ARHGEF4: variants seen among roughly 807,000 people sequenced by gnomAD.
The protein encoded by ARHGEF4 is Rho guanine nucleotide exchange factor 4.
ARHGEF4 carries 119 observed loss-of-function variants against 162.0 expected under a neutral mutation model. The ratio of observed to expected loss-of-function variants is 0.73; its 90% CI spans 0.63 to 0.86. The LOEUF (loss-of-function observed/expected upper bound fraction) is 0.86. Ranked by LOEUF, ARHGEF4 falls within the 40% of genes least tolerant of loss-of-function variation. The pLI, the probability that ARHGEF4 is intolerant of heterozygous loss-of-function variation, is 0.00. For missense variants in ARHGEF4, 2,488 were observed against 2,456.0 expected, an observed-to-expected ratio of 1.01 and a Z score of -0.28; for synonymous variants, 1,014 against 979.9, an observed-to-expected ratio of 1.03 and a Z score of -0.65.
At chr2:130,841,768 A>G (rs895654878) in intron 1 of ARHGEF4, among the ~76,000 whole-genome samples, 1 of 152,130 alleles carries the variant, frequency 6.6e-6, no homozygotes, top group Non-Finnish European at 1.5e-5. Context: ...GTTGCTCTTG[A>G]TCGGTCTCCA....
intron 4 of ARHGEF4, chr2:130,964,338 TCTC>T (rs1299714149): frequency 1.0e-5 from 8 of 783,346 alleles, no homozygotes; most frequent in South Asian, 5.8e-5. Flanking sequence ...TGCCTTTCCT[TCTC>T]CTCCCTCACT....
intron 1 of ARHGEF4, among the ~76,000 whole-genome samples, chr2:130,899,638 C>T (rs1234353701): frequency 6.6e-6 from 1 of 152,168 alleles, no homozygotes; most frequent in Non-Finnish European, 1.5e-5. Flanking sequence ...CTTTGGGAAG[C>T]TCATCTGATG....
chr2:130,922,140 C>G (rs1364063322), intron 2 of ARHGEF4, among the ~76,000 whole-genome samples: 1 of 151,946 alleles, frequency 6.6e-6, no homozygotes, highest in Non-Finnish European at 1.5e-5. Context: ...GAGGCCGAGG[C>G]AGCAGGATCA....
At chr2:131,003,181 G>C (rs1447683834) in intron 4 of ARHGEF4, among the ~76,000 whole-genome samples, 1 of 152,152 alleles carries the variant, frequency 6.6e-6, no homozygotes, top group African/African-American at 2.4e-5. Context: ...ACTGAGCCAT[G>C]ACGAGGCCAG....
chr2:130,965,248 G>A (rs1160100838), intron 4 of ARHGEF4, among the ~76,000 whole-genome samples: 2 of 152,214 alleles, frequency 1.3e-5, no homozygotes, highest in Non-Finnish European at 2.9e-5. Flanking sequence ...CAGATATAGA[G>A]CAAGGTCGGC....
intron 1 of ARHGEF4, among the ~76,000 whole-genome samples, chr2:130,876,393 C>T (rs539872666): frequency 1.3e-4 from 20 of 151,950 alleles, no homozygotes; most frequent in Admixed American, 3.3e-4. Context: ...GTATGAGCAT[C>T]TTTTTTTTGT....
At chr2:130,840,043 C>G (rs1014574311) in intron 1 of ARHGEF4, among the ~76,000 whole-genome samples, 1 of 152,120 alleles carries the variant, frequency 6.6e-6, no homozygotes, top group African/African-American at 2.4e-5. Flanking sequence ...GGATGCTGTG[C>G]CCCATGACAG....
chr2:131,007,629 C>T (rs748783801), intron 4 of ARHGEF4, among the ~76,000 whole-genome samples: 12 of 151,878 alleles, frequency 7.9e-5, no homozygotes, highest in South Asian at 2.1e-4. Context: ...TTAACTATTT[C>T]GTATGCAACC....
chr2:130,987,645 T>C (rs574411572), intron 4 of ARHGEF4, among the ~76,000 whole-genome samples: 1 of 152,304 alleles, frequency 6.6e-6, no homozygotes, highest in South Asian at 2.1e-4. Flanking sequence ...TACAATCCTC[T>C]TGTAAGACAG....
chr2:130,983,979 G>A (rs1686295217), intron 4 of ARHGEF4, among the ~76,000 whole-genome samples: 1 of 152,068 alleles, frequency 6.6e-6, no homozygotes, highest in South Asian at 2.1e-4. Context: ...AGCCAATTTG[G>A]TAGACACAAC....
chr2:130,879,450 C>T (rs1574147047), intron 1 of ARHGEF4, among the ~76,000 whole-genome samples: 1 of 152,112 alleles, frequency 6.6e-6, no homozygotes, highest in South Asian at 2.1e-4. Context: ...TTGATGAGAA[C>T]TGTCAAAATC....
intron 1 of ARHGEF4, among the ~76,000 whole-genome samples, chr2:130,841,389 T>G (rs272115): frequency 0.11 from 16,275 of 150,058 alleles, 1,302 homozygotes; most frequent in African/African-American, 0.2. Context: ...TTTTTTTTTT[T>G]ACATTTCTAT....
chr2:130,931,787 A>G (rs1465377780), intron 3 of ARHGEF4, among the ~76,000 whole-genome samples: 1 of 152,242 alleles, frequency 6.6e-6, no homozygotes. Context: ...ACATCATGCC[A>G]TTTACCCAAT....
chr2:131,012,029 C>A (rs1688486216), intron 4 of ARHGEF4: 1 of 654,754 alleles, frequency 1.5e-6, no homozygotes, highest in East Asian at 2.7e-5. Context: ...GTCAGGATAA[C>A]CAAAATTATC....
chr2:130,915,627 G>GC lies in ARHGEF4; in HGVS notation c.1682dup (p.Ile562AsnfsTer41), dbSNP rs1249159513. On this transcript the variant is annotated frameshift_variant, in exon 2 of 14. Coordinates refer to ENST00000409359, the MANE Select transcript of ARHGEF4 (RefSeq NM_001367493.1). LOFTEE classifies it high-confidence loss of function. The stretch of plus-strand genomic sequence containing the variant: ...CCCTGAGACCACCCAGAAATCAAGC[G>GC]CAATAGACACTTCAAAGGCAGCCGA... 1.3e-6 allele frequency: 2 copies of GC among 1,550,376 alleles called. No individual in the cohort carries two copies. The highest frequency in any genetic ancestry group is 1.7e-6 in the Non-Finnish European group (2 of 1,146,992).
chr2:130,910,401 A>G (rs1681102250), intron 1 of ARHGEF4, among the ~76,000 whole-genome samples: 1 of 152,200 alleles, frequency 6.6e-6, no homozygotes, highest in Non-Finnish European at 1.5e-5. Flanking sequence ...AGTCTTTCTT[A>G]GGGATAAGAA....
At chr2:130,937,669 ATTTT>A (rs34020875) in intron 3 of ARHGEF4, among the ~76,000 whole-genome samples, 1 of 140,890 alleles carries the variant, frequency 7.1e-6, no homozygotes, top group African/African-American at 2.6e-5. Context: ...TTGTATCATA[ATTTT>A]TTTTTTTTTT....
chr2:131,042,265 A>G (rs1690875507), intron 10 of ARHGEF4, among the ~76,000 whole-genome samples: 1 of 152,250 alleles, frequency 6.6e-6, no homozygotes, highest in Non-Finnish European at 1.5e-5. Context: ...TTCAGGGGAC[A>G]GGCCAGATCC....
chr2:130,992,507 T>G (rs1382726888), intron 4 of ARHGEF4, among the ~76,000 whole-genome samples: 1 of 151,690 alleles, frequency 6.6e-6, no homozygotes, highest in African/African-American at 2.4e-5. Flanking sequence ...GGGGAAGGTC[T>G]GCAGCTTCAC....
Sources: allele counts gnomAD v4.1 joint callset (sites outside exome capture counted in the v4.1 genomes callset), GRCh38; gene constraint gnomAD v4.1.1; transcripts MANE v1.5; gene names NCBI Gene and HGNC (gene_info 2026-07-23, HGNC 2026-07-21).